Variants in MYOZ2 observed in about 807,000 individuals in gnomAD.
MYOZ2 encodes myozenin-2.
In MYOZ2, 19 loss-of-function variants were observed where a neutral mutation model predicts 25.4. The observed-to-expected ratio is 0.75, with a 90% CI of 0.52 to 1.10. The LOEUF (loss-of-function observed/expected upper bound fraction) is 1.10. Among genes scored for constraint, MYOZ2 ranks in the 50% least tolerant of loss-of-function variants. The pLI, the probability that MYOZ2 is intolerant of heterozygous loss-of-function variation, is 0.00. For synonymous variants in MYOZ2, 92 were observed against 106.9 expected (o/e 0.86, Z 0.86); for missense variants, 270 against 317.9 (o/e 0.85, Z 1.15).
At chr4:119,143,202 CTT>C (rs966649631) in intron 2 of MYOZ2, among the ~76,000 whole-genome samples, 2 of 145,774 alleles carry the variant, frequency 1.4e-5, no homozygotes, top group African/African-American at 2.5e-5. Flanking sequence ...TTTCTTTTTT[CTT>C]TTTTTTTTTG....
At chr4:119,138,172 C>T (rs1741075651) in intron 2 of MYOZ2, among the ~76,000 whole-genome samples, 2 of 152,098 alleles carry the variant, frequency 1.3e-5, no homozygotes, top group Non-Finnish European at 2.9e-5. Context: ...ACCACTATCT[C>T]ACCACCAGTA....
chr4:119,158,289 C>T (rs753974468), intron 4 of MYOZ2, 138 bp downstream of exon 4: 31 of 1,184,028 alleles, frequency 2.6e-5, no homozygotes, highest in East Asian at 7.9e-5. Flanking sequence ...GCCCCAGGCA[C>T]GGTGGCTCCC....
chr4:119,183,096 T>A (rs1561135338), intron 5 of MYOZ2, among the ~76,000 whole-genome samples: 1 of 152,088 alleles, frequency 6.6e-6, no homozygotes, highest in East Asian at 1.9e-4. Flanking sequence ...TATTAGAGAA[T>A]CTATATAGTC....
chr4:119,182,443 A>T (rs1382090457), intron 5 of MYOZ2, among the ~76,000 whole-genome samples: 2 of 151,990 alleles, frequency 1.3e-5, no homozygotes, highest in Non-Finnish European at 2.9e-5. Context: ...ACTTCTAATA[A>T]GGAAGTTGCA....
chr4:119,138,998 T>A (rs1741100459), intron 2 of MYOZ2, among the ~76,000 whole-genome samples: 1 of 152,168 alleles, frequency 6.6e-6, no homozygotes, highest in Non-Finnish European at 1.5e-5. Flanking sequence ...TATTAAAAAA[T>A]TCTCTTCATA....
At chr4:119,165,665 T>C (rs1326279263) in intron 5 of MYOZ2, among the ~76,000 whole-genome samples, 1 of 151,782 alleles carries the variant, frequency 6.6e-6, no homozygotes, top group East Asian at 1.9e-4. Flanking sequence ...GAAAGAAAGT[T>C]GGAGGCCCAT....
intron 5 of MYOZ2, among the ~76,000 whole-genome samples, chr4:119,174,792 G>C (rs1742022667): frequency 6.6e-6 from 1 of 152,078 alleles, no homozygotes; most frequent in African/African-American, 2.4e-5. Context: ...TTCACTCTTT[G>C]CAATAAATCT....
At chr4:119,155,339 G>C (rs761614752) in intron 3 of MYOZ2, among the ~76,000 whole-genome samples, 1 of 152,114 alleles carries the variant, frequency 6.6e-6, no homozygotes, top group Non-Finnish European at 1.5e-5. Flanking sequence ...ATAGGATGGG[G>C]ACTCCAAATG....
intron 5 of MYOZ2, among the ~76,000 whole-genome samples, chr4:119,179,498 C>CT (rs372423613): frequency 1.8e-4 from 28 of 151,992 alleles, no homozygotes; most frequent in Non-Finnish European, 3.5e-4. Flanking sequence ...CTTCATAGCT[C>CT]TTTTTTTTCA....
chr4:119,154,893 T>C, intron 3 of MYOZ2, among the ~76,000 whole-genome samples: 1 of 85,934 alleles, frequency 1.2e-5, no homozygotes, highest in Non-Finnish European at 3.1e-5. Flanking sequence ...ACACACACAA[T>C]GCCTTTCTTA....
chr4:119,185,597 G>A (rs1742274764), intron 5 of MYOZ2, among the ~76,000 whole-genome samples: 1 of 152,166 alleles, frequency 6.6e-6, no homozygotes, highest in African/African-American at 2.4e-5. Flanking sequence ...TTATGGGCAT[G>A]AGCCACCACG....
At chr4:119,154,597 A>G (rs1178377850) in intron 3 of MYOZ2, among the ~76,000 whole-genome samples, 1 of 152,160 alleles carries the variant, frequency 6.6e-6, no homozygotes, top group East Asian at 1.9e-4. Flanking sequence ...AGGTAGAATT[A>G]TTTGTAAGTT....
chr4:119,169,902 A>T (rs1485473049), intron 5 of MYOZ2, among the ~76,000 whole-genome samples: 1 of 152,238 alleles, frequency 6.6e-6, no homozygotes, highest in Non-Finnish European at 1.5e-5. Flanking sequence ...CCGCTCTGAC[A>T]AAAATGAATC....
rs181534373 is a variant in MYOZ2, at chr4:119,174,722, G to T, written c.560+10328G>T. ...CCAGACAAGAGAATAAAAGCAGGCT[G>T]CCCAAGCCAGCAGTGGCAACCCGCT... On this transcript the variant is annotated intron_variant, in intron 5 of 5. Transcript: ENST00000307128. Among the ~76,000 whole-genome samples the T allele has an allele frequency of 1.9e-4, 29 of 152,298 alleles. No homozygotes were observed. The East Asian group carries it at 5.4e-3, about 28-fold the overall frequency.
At chr4:119,143,174 G>A (rs1741208041) in intron 2 of MYOZ2, among the ~76,000 whole-genome samples, 1 of 151,756 alleles carries the variant, frequency 6.6e-6, no homozygotes, top group South Asian at 2.1e-4. Context: ...CTGTTACAAT[G>A]GCAATTAAAT....
At chr4:119,160,860 G>A (rs2149224249) in intron 4 of MYOZ2, among the ~76,000 whole-genome samples, 1 of 151,830 alleles carries the variant, frequency 6.6e-6, no homozygotes, top group East Asian at 1.9e-4. Flanking sequence ...TTATTTCTTT[G>A]TGTTGGAAGT....
chr4:119,185,578 G>A (rs866034259), intron 5 of MYOZ2, among the ~76,000 whole-genome samples: 2 of 152,154 alleles, frequency 1.3e-5, no homozygotes, highest in Non-Finnish European at 2.9e-5. Flanking sequence ...GCCTCCCAAA[G>A]TGCTGGGATT....
intron 5 of MYOZ2, among the ~76,000 whole-genome samples, chr4:119,181,169 G>A (rs1742179789): frequency 6.6e-6 from 1 of 152,082 alleles, no homozygotes. Flanking sequence ...TTCCCTCCCT[G>A]TATGGCTCAT....
intron 4 of MYOZ2, among the ~76,000 whole-genome samples, chr4:119,162,510 G>C (rs1279616419): frequency 1.3e-5 from 2 of 152,182 alleles, no homozygotes; most frequent in African/African-American, 4.8e-5. Context: ...ACCCAGGGCA[G>C]GAGTAACGGA....
Sources: gnomAD v4.1 joint callset for allele counts (sites outside exome capture counted in the v4.1 genomes callset) on GRCh38, gnomAD v4.1.1 for gene constraint, MANE v1.5 for transcripts, NCBI Gene and HGNC (gene_info 2026-07-23, HGNC 2026-07-21) for gene names.